The following LCN10 variants were observed in gnomAD, a reference collection of about 807,000 sequenced individuals.
LCN10 encodes the protein epididymal-specific lipocalin-10.
A neutral mutation model predicts 25.1 loss-of-function variants in LCN10; 18 were observed. The observed-to-expected ratio is 0.72, with a 90% CI of 0.50 to 1.06. The LOEUF (loss-of-function observed/expected upper bound fraction) is 1.06. LCN10 is among the 50% of genes least tolerant of loss of function. LCN10 has a pLI of 0.00. For missense variants in LCN10, 257 were observed against 258.9 expected, an observed-to-expected ratio of 0.99 and a Z score of 0.05; for synonymous variants, 130 against 116.7, an observed-to-expected ratio of 1.11 and a Z score of -0.73.
At chr9:136,741,135 C>G (rs1395036558) in intron 3 of LCN10, 117 bp downstream of exon 3, 1 of 1,079,980 alleles carries the variant, frequency 9.3e-7, no homozygotes, top group African/African-American at 1.6e-5. Context: ...GCTCTGGGAA[C>G]ACAGCCAGCC....
In LCN10 at chr9:136,741,966, G is replaced by T. The variant is rs761412890; in HGVS notation, c.172C>A (p.Pro58Thr). ...CCCAGCTTCCTCTTGTCCCTGGCCGGCAAGAATCCCTGGGCATCAGTGGCA... is the reference window on the plus strand; with the variant it reads ...CCCAGCTTCCTCTTGTCCCTGGCCGTCAAGAATCCCTGGGCATCAGTGGCA... ...ATATDAQGFLPARDKRKLGAS... is the reference protein window; with the variant it reads ...ATATDAQGFLTARDKRKLGAS... Residue 58 changes from proline to threonine, a missense_variant, in exon 2 of 6, where the codon CCG (proline) becomes ACG (threonine). Coordinates refer to ENST00000497771, the MANE Select transcript of LCN10 (RefSeq NM_001001712.3). 6.2e-7 allele frequency: 1 copy of T among 1,612,378 alleles called. No homozygotes were observed. The highest frequency in any genetic ancestry group is 8.5e-7 in the Non-Finnish European group (1 of 1,179,438).
intron 2 of LCN10, 38 bp downstream of exon 2, chr9:136,741,843 A>T: frequency 6.4e-7 from 1 of 1,571,100 alleles, no homozygotes. Context: ...CTCCTCCTGG[A>T]AGGGGAGACC....
intron 1 of LCN10, 194 bp downstream of exon 1, chr9:136,742,593 A>C: frequency 1.6e-6 from 1 of 636,476 alleles, no homozygotes; most frequent in Non-Finnish European, 2.6e-6. Flanking sequence ...AACCCCCTCG[A>C]GGCTCCCTGC....
At position 136,739,987 on chromosome 9, in the gene LCN10, C is replaced by T. The variant is rs1245428627; in HGVS notation, c.537G>A (p.Leu179=). The T allele has an allele frequency of 1.4e-5, 22 of 1,592,656 alleles. No individual in the cohort carries two copies. Among genetic ancestry groups the T allele is most frequent in the Non-Finnish European group, 1.7e-5 (20 of 1,169,516 alleles). ...LKEFMDACDI[L]GLSKAAVILP... is the part of the protein sequence containing the mutation. ...GGATGACGGCGGCCTTGGAGAGCCC[C>T]AGAATGTCACAAGCGTCCATGAATT... Residue 179 remains leucine, a synonymous_variant, in exon 5 of 6, where the codon CTG becomes CTA. Coordinates refer to ENST00000497771, the MANE Select transcript of LCN10 (RefSeq NM_001001712.3). This position sits in a 1 kb window ranked among gnomAD's most constrained non-coding sequence, Gnocchi z 6.1.
In LCN10 at chr9:136,742,707, G is replaced by A. The variant is rs574921181; in HGVS notation, c.117+80C>T. 121 of 1,516,006 alleles carry A rather than the reference G, an allele frequency of 8.0e-5. 1 individual carries two copies. The East Asian group carries it at 2.0e-3, about 24-fold the overall frequency. 93.9% of individuals were successfully genotyped at this position (1,516,006 alleles called of 1,614,324 possible). A position where few individuals can be genotyped will look rare whatever the true frequency, so the allele number is the denominator to read the frequency against. On this transcript the variant is annotated intron_variant, in intron 1 of 5. Transcript: ENST00000497771. ...ACTGCTGGTAGCCCTGCTCCTGGGC[G>A]GCTGCCGGGAGACTGTGCAGGAGCC...
rs747167174 is a variant in LCN10 at position 136,739,592 on chromosome 9, T to C, written c.575-39A>G. ...AAACAGCCACATGTGGGCTGGCTGCTTGGAGGAGACACATGAGCCGTGAAC... is the reference window on the plus strand; with the variant it reads ...AAACAGCCACATGTGGGCTGGCTGCCTGGAGGAGACACATGAGCCGTGAAC... On this transcript the variant is annotated intron_variant, in intron 5 of 5. Transcript: ENST00000497771. The surrounding 1 kb of genome is among the most constrained non-coding windows in gnomAD (Gnocchi z 6.1). The C allele has an allele frequency of 8.2e-6, 13 of 1,580,744 alleles. No homozygotes were observed. The South Asian group carries it at 1.5e-4, about 18-fold the overall frequency.
rs1846891281 is a variant in LCN10 at position 136,739,628 on chromosome 9, C to T, written c.575-75G>A. 4.3e-6 allele frequency: 6 copies of T among 1,404,296 alleles called. No homozygotes were observed. The highest frequency in any genetic ancestry group is 2.1e-4 in the Middle Eastern group (1 of 4,750). 87.0% of individuals were successfully genotyped at this position (1,404,296 alleles called of 1,614,324 possible). A position where few individuals can be genotyped will look rare whatever the true frequency, so the allele number is the denominator to read the frequency against. ...ACATGAGCCGTGAACACGTCTCCCC[C>T]GGCCGCTCCCTGGTTCCATGCGTGC... On this transcript the variant is annotated intron_variant, in intron 5 of 5. Coordinates refer to ENST00000497771, the MANE Select transcript of LCN10 (RefSeq NM_001001712.3). This position sits in a 1 kb window ranked among gnomAD's most constrained non-coding sequence, Gnocchi z 6.1.
rs1588295886 is a variant in LCN10, at chr9:136,739,744, C to T, written c.575-191G>A. On this transcript the variant is annotated intron_variant, in intron 5 of 5. Transcript: ENST00000497771. The surrounding 1 kb of genome is among the most constrained non-coding windows in gnomAD (Gnocchi z 6.1). ...GCCTGGTCGGATGCAGCATCTGCTC[C>T]GGACGCCTCTCGCTGTCGGTGCCAG... is the stretch of plus-strand genomic sequence containing the variant. 17 of 733,954 alleles carry T rather than the reference C, an allele frequency of 2.3e-5. No individual in the cohort carries two copies. The highest frequency in any genetic ancestry group is 3.4e-5 in the South Asian group (2 of 59,478). The allele number at this position is 733,954 out of a possible 1,614,324, so 45.5% of individuals were successfully genotyped here. A position where few individuals can be genotyped will look rare whatever the true frequency, so the allele number is the denominator to read the frequency against.
Position 136,740,244 on chromosome 9 carries a change from G to T in LCN10, c.476-196C>A. The T allele has an allele frequency of 1.7e-6, 1 of 602,764 alleles. No homozygotes were observed. The highest frequency in any genetic ancestry group is 3.0e-6 in the Non-Finnish European group (1 of 331,772). 37.3% of individuals were successfully genotyped at this position (602,764 alleles called of 1,614,324 possible). A position where few individuals can be genotyped will look rare whatever the true frequency, so the allele number is the denominator to read the frequency against. On this transcript the variant is annotated intron_variant, in intron 4 of 5. Transcript: ENST00000497771. This position sits in a 1 kb window ranked among gnomAD's most constrained non-coding sequence, Gnocchi z 5.3. ...AGGCAGCCAGGCTCGGGAAGCCAGG[G>T]TCACCACGCTGTCACCTGGGGAACC...
chr9:136,739,041 G>A lies in LCN10; in HGVS notation c.*484C>T, dbSNP rs886930474. The A allele has an allele frequency of 1.0e-5, 2 of 196,716 alleles. No homozygotes were observed. Among genetic ancestry groups the A allele is most frequent in the South Asian group, 1.9e-4 (2 of 10,782 alleles). 12.2% of individuals were successfully genotyped at this position (196,716 alleles called of 1,614,324 possible). ...GATCAGGCATCAACTCTGGGACTGCGTTTGCCGATTCTGTTCCCTAACGCA... is the reference window on the plus strand; with the variant it reads ...GATCAGGCATCAACTCTGGGACTGCATTTGCCGATTCTGTTCCCTAACGCA... On this transcript the variant is annotated 3_prime_UTR_variant, in exon 6 of 6. Transcript: ENST00000497771. This position sits in a 1 kb window ranked among gnomAD's most constrained non-coding sequence, Gnocchi z 6.1.
Position 136,741,278 on chromosome 9 carries a change from G to T in LCN10, c.341C>A (p.Ala114Glu), listed in dbSNP as rs577955396. The T allele has an allele frequency of 1.2e-6, 2 of 1,613,508 alleles. No individual in the cohort carries two copies. The highest frequency in any genetic ancestry group is 2.2e-5 in the South Asian group (2 of 91,082). ...TCCCTCCTGTCCTTCCCTCGGGCCCGCCGCGTATGCACAGGCGTTCCCAAA... is the reference window on the plus strand; with the variant it reads ...TCCCTCCTGTCCTTCCCTCGGGCCCTCCGCGTATGCACAGGCGTTCCCAAA... The part of the protein sequence containing the change: ...PVFGNACAYA[A>E]GPREGQEGVK... The change falls in exon 3 of 6, where the codon GCG becomes GAG. Residue 114 changes from alanine to glutamate, a missense_variant. Transcript: ENST00000497771.
intron 1 of LCN10, 104 bp downstream of exon 1, chr9:136,742,683 C>T: frequency 1.4e-6 from 2 of 1,404,582 alleles, no homozygotes; most frequent in East Asian, 2.5e-5. Context: ...GTGCCTGGAA[C>T]TGCTGGTAGC....
chr9:136,740,328 C>A lies in LCN10; in HGVS notation c.476-280G>T. ...CTCAGCTGTGCCCCAGCTTGCTGCA[C>A]CCTGAGCGTGCCCTGCCTCGACTGA... On this transcript the variant is annotated intron_variant, in intron 4 of 5. Transcript: ENST00000497771. The surrounding 1 kb of genome is among the most constrained non-coding windows in gnomAD (Gnocchi z 5.3). 1.9e-6 allele frequency: 1 copy of A among 513,862 alleles called. No individual in the cohort carries two copies. Among genetic ancestry groups the A allele is most frequent in the Non-Finnish European group, 3.6e-6 (1 of 281,588 alleles). The allele number at this position is 513,862 out of a possible 1,614,324, so 31.8% of individuals were successfully genotyped here.
At chr9:136,741,217 A>G (rs1846925877) in intron 3 of LCN10, 35 bp downstream of exon 3, 6 of 1,577,600 alleles carry the variant, frequency 3.8e-6, no homozygotes, top group Middle Eastern at 1.7e-4. Flanking sequence ...GAGGCATATC[A>G]CGCAGCTCCT....
Position 136,739,158 on chromosome 9 carries a change from T to G in LCN10, c.*367A>C. On this transcript the variant is annotated 3_prime_UTR_variant, in exon 6 of 6. Coordinates refer to ENST00000497771, the MANE Select transcript of LCN10 (RefSeq NM_001001712.3). This position sits in a 1 kb window ranked among gnomAD's most constrained non-coding sequence, Gnocchi z 6.1. ...CGGCTTCCTGAGAAAGTGCAGGATG[T>G]AAAGGAACGCGGAGGGTGGCGGCGG... The G allele has an allele frequency of 3.7e-6, 1 of 267,868 alleles. No homozygotes were observed. Among genetic ancestry groups the G allele is most frequent in the African/African-American group, 2.2e-5 (1 of 45,120 alleles). The allele number at this position is 267,868 out of a possible 1,614,324, so 16.6% of individuals were successfully genotyped here.
At chr9:136,741,731 G>A (rs970002699) in intron 2 of LCN10, 150 bp downstream of exon 2, 3 of 1,104,916 alleles carry the variant, frequency 2.7e-6, no homozygotes, top group Admixed American at 5.6e-5. Flanking sequence ...GCTGCAGGTG[G>A]CTTCCTCTGA....
rs749561705 is a variant in LCN10, at chr9:136,742,808, G to C, written c.96C>G (p.Ser32=). The C allele has an allele frequency of 9.9e-6, 16 of 1,613,316 alleles. No homozygotes were observed. Among genetic ancestry groups the C allele is most frequent in the Admixed American group, 5.0e-5 (3 of 59,990 alleles). Residue 32 remains serine, a synonymous_variant, in exon 1 of 6, where the codon TCC becomes TCG. Coordinates refer to ENST00000497771, the MANE Select transcript of LCN10 (RefSeq NM_001001712.3). ...TCACCTTGTTCCAGTTGAGGGCGTG[G>C]GACTCCCTGGGGTACCACTCCTGCA... ...SQVQEWYPRE[S]HALNWNKFSG...
intron 3 of LCN10, 101 bp downstream of exon 3, chr9:136,741,151 C>A (rs1429886340): frequency 6.1e-6 from 7 of 1,148,278 alleles, no homozygotes; most frequent in Non-Finnish European, 8.8e-6. Flanking sequence ...CAGCCTGACG[C>A]CTGCCTGCCA....
intron 1 of LCN10, chr9:136,742,499 G>A: frequency 1.9e-6 from 1 of 520,284 alleles, no homozygotes; most frequent in Non-Finnish European, 3.4e-6. Flanking sequence ...CACCCACTCT[G>A]CACTCTGGGC....
Sources: gnomAD v4.1 joint callset for allele counts on GRCh38, gnomAD v4.1.1 for gene constraint, Gnocchi (gnomAD v3.1) non-coding constraint, MANE v1.5 for transcripts, NCBI Gene and HGNC (gene_info 2026-07-23, HGNC 2026-07-21) for gene names.